FAM13C: variants seen among roughly 807,000 people sequenced by gnomAD.
The protein encoded by FAM13C is family with sequence similarity 13 member C, also known as protein FAM13C.
A neutral mutation model predicts 73.2 loss-of-function variants in FAM13C; 37 were observed. The ratio of observed to expected loss-of-function variants is 0.51; its 90% CI spans 0.39 to 0.67. FAM13C has a LOEUF of 0.67. Ranked by LOEUF, FAM13C falls within the 30% of genes least tolerant of loss-of-function variation. The pLI is 0.00. For missense variants in FAM13C, 589 were observed against 715.6 expected (o/e 0.82, Z 2.02); for synonymous variants, 246 against 260.9 (o/e 0.94, Z 0.55).
At chr10:59,343,771 A>G (rs1029992311) in intron 3 of FAM13C, among the ~76,000 whole-genome samples, 6 of 152,294 alleles carry the variant, frequency 3.9e-5, no homozygotes, top group Admixed American at 1.3e-4. Context: ...CTGGTGACCA[A>G]TGATGGTTAT....
At chr10:59,342,313 T>C (rs1853619968) in intron 3 of FAM13C, among the ~76,000 whole-genome samples, 2 of 150,898 alleles carry the variant, frequency 1.3e-5, no homozygotes, top group Admixed American at 1.3e-4. Flanking sequence ...CTAGACTTAG[T>C]CTGCTAACTT....
At chr10:59,347,315 C>T (rs918035805) in intron 3 of FAM13C, among the ~76,000 whole-genome samples, 1 of 152,070 alleles carries the variant, frequency 6.6e-6, no homozygotes, top group Non-Finnish European at 1.5e-5. Context: ...TCAGATTCCT[C>T]CACCCCACCC....
intron 5 of FAM13C, among the ~76,000 whole-genome samples, chr10:59,287,757 T>G (rs376317511): frequency 2.6e-5 from 4 of 152,342 alleles, no homozygotes; most frequent in African/African-American, 9.6e-5. Context: ...GAAAGCACTT[T>G]GCAGAGCACC....
At chr10:59,286,468 T>C (rs538021582) in intron 5 of FAM13C, among the ~76,000 whole-genome samples, 108 of 147,492 alleles carry the variant, frequency 7.3e-4, no homozygotes, top group African/African-American at 2.6e-3. Flanking sequence ...TGAGCTGAGA[T>C]TGTACCACTG....
At chr10:59,319,869 C>T (rs1849988020) in intron 4 of FAM13C, among the ~76,000 whole-genome samples, 1 of 152,162 alleles carries the variant, frequency 6.6e-6, no homozygotes, top group African/African-American at 2.4e-5. Flanking sequence ...CCAACCCTTC[C>T]ACTCATGCAA....
At chr10:59,255,614 A>C (rs1841879919) in intron 10 of FAM13C, among the ~76,000 whole-genome samples, 1 of 152,154 alleles carries the variant, frequency 6.6e-6, no homozygotes, top group South Asian at 2.1e-4. Flanking sequence ...AACTCATGGA[A>C]TAATCACCCA....
At chr10:59,358,602 C>T (rs1274593497) in intron 1 of FAM13C, among the ~76,000 whole-genome samples, 2 of 152,188 alleles carry the variant, frequency 1.3e-5, no homozygotes, top group Non-Finnish European at 2.9e-5. Context: ...AGAATTGTTG[C>T]TTTCAAAGAT....
At chr10:59,360,853 GAAAAAAAAAAAAAAA>G (rs10615623) in intron 1 of FAM13C, among the ~76,000 whole-genome samples, 1 of 57,990 alleles carries the variant, frequency 1.7e-5, no homozygotes, top group African/African-American at 5.0e-5. Flanking sequence ...AACCTCTACA[GAAAAAAAAAAAAAAA>G]AAAAAAAAAA....
intron 5 of FAM13C, among the ~76,000 whole-genome samples, chr10:59,292,032 C>T (rs1385526814): frequency 6.6e-6 from 1 of 152,116 alleles, no homozygotes; most frequent in Non-Finnish European, 1.5e-5. Context: ...TCGTGGTCCG[C>T]CCACCTTGGC....
intron 4 of FAM13C, among the ~76,000 whole-genome samples, chr10:59,319,829 A>G (rs1589595603): frequency 1.3e-5 from 2 of 152,232 alleles, no homozygotes; most frequent in African/African-American, 4.8e-5. Context: ...AATACCAGGT[A>G]TTGAGGAGTA....
At chr10:59,284,652 C>T (rs1040416938) in intron 5 of FAM13C, among the ~76,000 whole-genome samples, 2 of 150,886 alleles carry the variant, frequency 1.3e-5, no homozygotes, top group African/African-American at 2.4e-5. Context: ...CACTCTCATA[C>T]CTACCCTCAC....
intron 4 of FAM13C, among the ~76,000 whole-genome samples, chr10:59,316,191 T>G (rs1393805150): frequency 6.6e-6 from 1 of 152,158 alleles, no homozygotes; most frequent in African/African-American, 2.4e-5. Context: ...CGCCTCAGGC[T>G]CCCAAAGTGC....
rs2133318496 is a variant in FAM13C at position 59,246,292 on chromosome 10, T to G, written c.*1322A>C. 5.8e-6 allele frequency: 1 copy of G among 172,302 alleles called. No homozygotes were observed. Among genetic ancestry groups the G allele is most frequent in the Non-Finnish European group, 1.2e-5 (1 of 81,268 alleles). The allele number at this position is 172,302 out of a possible 1,614,324, so 10.7% of individuals were successfully genotyped here. On this transcript the variant is annotated 3_prime_UTR_variant, in exon 14 of 14. Transcript: ENST00000618804. Reference sequence around the variant, plus strand: ...ACCTCAAATAGTTGTGTATCTGTCCTGTTAGAAGTAGATGACTTCAATTAA... The same window carrying G: ...ACCTCAAATAGTTGTGTATCTGTCCGGTTAGAAGTAGATGACTTCAATTAA...
At chr10:59,316,899 A>T (rs997417058) in intron 4 of FAM13C, among the ~76,000 whole-genome samples, 3 of 152,200 alleles carry the variant, frequency 2.0e-5, no homozygotes, top group African/African-American at 7.2e-5. Flanking sequence ...TAATATAATT[A>T]TGTATAACAC....
intron 3 of FAM13C, among the ~76,000 whole-genome samples, chr10:59,329,323 CTTTTT>C (rs1170726288): frequency 1.2e-5 from 1 of 82,896 alleles, no homozygotes; most frequent in Non-Finnish European, 3.1e-5. Context: ...ATTTTTTTTT[CTTTTT>C]TTCTTTCTTT....
At chr10:59,264,187 T>TG in intron 8 of FAM13C, 21 bp from the exon 9 acceptor site, 3 of 1,268,476 alleles carry the variant, frequency 2.4e-6, no homozygotes, top group Non-Finnish European at 3.1e-6. Context: ...AAGGAAAAAA[T>TG]GGGGGTGGAA....
rs1380576072 is a variant in FAM13C, at chr10:59,304,773, G to GGGAAGGGAAGGGAAA, written c.444-1910_444-1909insTTTCCCTTCCCTTCC. ...AAATAAATAAAAAGAGGGAAGGGAA[G>GGGAAGGGAAGGGAAA]GGAAGGGAAGGGAAGGGAAGGGAAG... is the stretch of plus-strand genomic sequence containing the variant. On this transcript the variant is annotated intron_variant, in intron 4 of 13. Transcript: ENST00000618804. Among the ~76,000 whole-genome samples the GGGAAGGGAAGGGAAA allele has an allele frequency of 9.1e-4, 71 of 77,892 alleles. 3 individuals carry two copies. The highest frequency in any genetic ancestry group is 1.6e-3 in the Non-Finnish European group (57 of 36,320). 51.1% of individuals were successfully genotyped at this position (77,892 alleles called of 152,430 possible). A position where few individuals can be genotyped will look rare whatever the true frequency, so the allele number is the denominator to read the frequency against.
intron 3 of FAM13C, 148 bp from the exon 4 acceptor site, chr10:59,324,254 G>A (rs908891561): frequency 8.3e-6 from 5 of 600,430 alleles, no homozygotes; most frequent in Middle Eastern, 8.9e-4. Context: ...CCAATTCACT[G>A]GTCCAAAATT....
chr10:59,362,296 C>T, intron 1 of FAM13C, 103 bp downstream of exon 1: 1 of 1,462,492 alleles, frequency 6.8e-7, no homozygotes, highest in Non-Finnish European at 9.3e-7. Context: ...GGAGACAATG[C>T]ATCTAAAACG....
Sources: allele counts gnomAD v4.1 joint callset (sites outside exome capture counted in the v4.1 genomes callset), GRCh38; gene constraint gnomAD v4.1.1; transcripts MANE v1.5; gene names NCBI Gene and HGNC (gene_info 2026-07-23, HGNC 2026-07-21).